NRXN3: variants seen among roughly 807,000 people sequenced by gnomAD.
The protein encoded by NRXN3 is neurexin III.
Under a neutral mutation model 137.6 loss-of-function variants are expected in NRXN3, and 32 were observed. The observed-to-expected ratio is 0.23, with a 90% CI of 0.18 to 0.31. NRXN3 has a LOEUF of 0.31. Among genes scored for constraint, NRXN3 ranks in the 10% least tolerant of loss-of-function variants. The pLI, the probability that NRXN3 is intolerant of heterozygous loss-of-function variation, is 1.00. For synonymous variants in NRXN3, 798 were observed against 784.5 expected (o/e 1.02, Z -0.29); for missense variants, 1,574 against 2,062.5 (o/e 0.76, Z 4.59).
intron 15 of NRXN3, among the ~76,000 whole-genome samples, chr14:79,281,136 A>G (rs554085106): frequency 5.3e-5 from 8 of 152,258 alleles, no homozygotes; most frequent in African/African-American, 1.9e-4. Context: ...CCACATATCT[A>G]GTGGAAAAAG....
intron 1 of NRXN3, among the ~76,000 whole-genome samples, chr14:78,175,511 A>ACCTGCTGTGGTCCGGTT (rs879830439): frequency 1.5e-4 from 23 of 152,076 alleles, no homozygotes; most frequent in African/African-American, 4.3e-4. Context: ...GTGGTCTGGG[A>ACCTGCTGTGGTCCGGTT]CCTGCTGTGG....
At chr14:79,262,319 AAAG>A (rs1156530910) in intron 15 of NRXN3, among the ~76,000 whole-genome samples, 1 of 151,136 alleles carries the variant, frequency 6.6e-6, no homozygotes, top group Non-Finnish European at 1.5e-5. Flanking sequence ...TACTAGAAAA[AAAG>A]AAGGAGGAAG....
At chr14:78,232,706 G>A (rs1596196544) in intron 1 of NRXN3, among the ~76,000 whole-genome samples, 1 of 152,092 alleles carries the variant, frequency 6.6e-6, no homozygotes, top group East Asian at 1.9e-4. Flanking sequence ...AGAATTCACT[G>A]GCTTTCAATT....
intron 6 of NRXN3, chr14:78,698,123 T>G (rs546653042): frequency 1.2e-4 from 19 of 152,196 alleles, no homozygotes; most frequent in African/African-American, 4.6e-4. Flanking sequence ...GCAGTCATCT[T>G]CTTAGCCCCA....
intron 8 of NRXN3, among the ~76,000 whole-genome samples, chr14:78,799,790 G>A (rs756604886): frequency 3.3e-4 from 50 of 152,124 alleles, no homozygotes; most frequent in Non-Finnish European, 5.6e-4. Context: ...GAAAATGAGA[G>A]CTAAGCGAAA....
At chr14:79,341,438 C>T (rs960011454) in intron 15 of NRXN3, among the ~76,000 whole-genome samples, 3 of 152,156 alleles carry the variant, frequency 2.0e-5, no homozygotes, top group Non-Finnish European at 4.4e-5. Flanking sequence ...GTAGCAGCAC[C>T]TACCAGCTTG....
intron 15 of NRXN3, among the ~76,000 whole-genome samples, chr14:79,431,792 C>T (rs1248090756): frequency 4.6e-5 from 7 of 152,088 alleles, no homozygotes; most frequent in African/African-American, 9.7e-5. Flanking sequence ...AAACTCTACG[C>T]AGTATTAAGT....
At chr14:79,282,547 A>G (rs1333456091) in intron 15 of NRXN3, among the ~76,000 whole-genome samples, 1 of 152,158 alleles carries the variant, frequency 6.6e-6, no homozygotes, top group Non-Finnish European at 1.5e-5. Flanking sequence ...CAGGTTAAAC[A>G]TGACCCTTTA....
At chr14:78,364,312 T>C (rs992870365) in intron 4 of NRXN3, among the ~76,000 whole-genome samples, 3 of 152,244 alleles carry the variant, frequency 2.0e-5, no homozygotes, top group Admixed American at 2.0e-4. Context: ...CAGAGTGACA[T>C]CAGCCATTTT....
intron 16 of NRXN3, among the ~76,000 whole-genome samples, chr14:79,597,220 A>AT (rs1411849712): frequency 2.0e-5 from 3 of 151,996 alleles, no homozygotes; most frequent in African/African-American, 2.4e-5. Context: ...ATTTGGGTAC[A>AT]TTTTTTTTCC....
chr14:78,731,627 GTC>G (rs1340093362), intron 8 of NRXN3, among the ~76,000 whole-genome samples: 1 of 143,448 alleles, frequency 7.0e-6, no homozygotes, highest in Non-Finnish European at 1.5e-5. Flanking sequence ...GTGTGTGTGT[GTC>G]TCTGTGTGTG....
chr14:79,524,349 C>A (rs936221835), intron 16 of NRXN3, among the ~76,000 whole-genome samples: 1 of 152,152 alleles, frequency 6.6e-6, no homozygotes, highest in Non-Finnish European at 1.5e-5. Context: ...TTACTAATAA[C>A]CAGATTGTCA....
chr14:78,886,613 A>G (rs2099144537), intron 10 of NRXN3, among the ~76,000 whole-genome samples: 1 of 152,132 alleles, frequency 6.6e-6, no homozygotes. Flanking sequence ...TCATAATGGG[A>G]ATAAAGGAAA....
rs114483186 is a variant in NRXN3 at position 78,558,385 on chromosome 14, G to A, written c.758-86735G>A. Among the ~76,000 whole-genome samples, 1,150 of 152,274 alleles carry A rather than the reference G, an allele frequency of 7.6e-3. 13 individuals carry two copies. Among genetic ancestry groups the A allele is most frequent in the African/African-American group, 0.026 (1,080 of 41,552 alleles). The stretch of plus-strand genomic sequence containing the variant: ...CAACAGTTCTAACATGAAAACCCAT[G>A]TATTAAAGTATCTAAACAAAGTGTG... On this transcript the variant is annotated intron_variant, in intron 4 of 20. Transcript: ENST00000335750.
chr14:79,152,538 C>G (rs1169228621), intron 15 of NRXN3, among the ~76,000 whole-genome samples: 1 of 151,980 alleles, frequency 6.6e-6, no homozygotes, highest in East Asian at 1.9e-4. Flanking sequence ...GTTTAATTAA[C>G]TCACAGTTCC....
At chr14:79,002,937 C>T (rs1343328677) in intron 15 of NRXN3, among the ~76,000 whole-genome samples, 1 of 152,094 alleles carries the variant, frequency 6.6e-6, no homozygotes, top group Non-Finnish European at 1.5e-5. Context: ...TTTGGAGGAC[C>T]TACTACCTTT....
intron 20 of NRXN3, among the ~76,000 whole-genome samples, chr14:79,827,230 G>T (rs2141166605): frequency 6.6e-6 from 1 of 152,290 alleles, no homozygotes; most frequent in South Asian, 2.1e-4. Flanking sequence ...ACCATGGTAG[G>T]ACAGGTAACA....
intron 4 of NRXN3, among the ~76,000 whole-genome samples, chr14:78,618,535 C>T (rs2097368598): frequency 6.6e-6 from 1 of 152,136 alleles, no homozygotes; most frequent in Non-Finnish European, 1.5e-5. Context: ...CAGTCACCGT[C>T]CCTCTGGAAA....
chr14:79,584,287 G>A (rs1466152667), intron 16 of NRXN3, among the ~76,000 whole-genome samples: 1 of 152,154 alleles, frequency 6.6e-6, no homozygotes, highest in African/African-American at 2.4e-5. Context: ...AAATGCATTT[G>A]AGGAAAGGAT....
Sources: allele counts gnomAD v4.1 joint callset (sites outside exome capture counted in the v4.1 genomes callset), GRCh38; gene constraint gnomAD v4.1.1; transcripts MANE v1.5; gene names NCBI Gene and HGNC (gene_info 2026-07-23, HGNC 2026-07-21).